Variants in DPYD observed in about 807,000 individuals in gnomAD.
The protein encoded by DPYD is dihydropyrimidine dehydrogenase [NADP(+)].
A neutral mutation model predicts 116.2 loss-of-function variants in DPYD; 109 were observed. That is an observed-to-expected ratio of 0.94 (90% CI 0.80 to 1.10). DPYD has a LOEUF of 1.10. Among genes scored for constraint, DPYD ranks in the 50% least tolerant of loss-of-function variants. DPYD has a pLI of 0.00. For synonymous variants in DPYD, 440 were observed against 432.0 expected (o/e 1.02, Z -0.23); for missense variants, 1,302 against 1,254.5 (o/e 1.04, Z -0.57).
intron 8 of DPYD, among the ~76,000 whole-genome samples, chr1:97,626,011 C>A (rs759966763): frequency 3.9e-5 from 6 of 151,962 alleles, no homozygotes; most frequent in Admixed American, 6.6e-5. Flanking sequence ...CGGGTCATTT[C>A]AAATATCAAG....
At chr1:97,338,036 T>C (rs1179631181) in intron 16 of DPYD, among the ~76,000 whole-genome samples, 6 of 152,192 alleles carry the variant, frequency 3.9e-5, no homozygotes, top group African/African-American at 1.4e-4. Context: ...GGTTCCTCCA[T>C]TCCTGTTTGC....
At chr1:97,832,896 T>C (rs984055904) in intron 2 of DPYD, among the ~76,000 whole-genome samples, 2 of 143,188 alleles carry the variant, frequency 1.4e-5, no homozygotes, top group African/African-American at 5.2e-5. Flanking sequence ...GGATTTTAAA[T>C]AAAATTCACT....
chr1:97,450,169 T>C lies in DPYD; in HGVS notation c.1795A>G (p.Met599Val). The C allele has an allele frequency of 6.2e-7, 1 of 1,613,906 alleles. No homozygotes were observed. The highest frequency in any genetic ancestry group is 8.5e-7 in the Non-Finnish European group (1 of 1,179,870). Reference protein sequence around the residue: ...RIIRGTTSGPMYGPGQSSFLN... With the variant: ...RIIRGTTSGPVYGPGQSSFLN... ...AAGGAGCTTTGTCCAGGGCCATACA[T>C]GGGGCCAGAGGTGGTTCCCCGGATG... The change falls in exon 14 of 23, where the codon ATG becomes GTG. Residue 599 changes from methionine (M) to valine (V), a missense_variant. Transcript: ENST00000370192.
chr1:97,427,870 C>G (rs1452165037), intron 14 of DPYD, among the ~76,000 whole-genome samples: 2 of 151,948 alleles, frequency 1.3e-5, no homozygotes, highest in Non-Finnish European at 2.9e-5. Context: ...TTACATATGA[C>G]TAAAATGGAG....
intron 20 of DPYD, among the ~76,000 whole-genome samples, chr1:97,137,592 A>T (rs1359955805): frequency 6.6e-6 from 1 of 152,162 alleles, no homozygotes; most frequent in Non-Finnish European, 1.5e-5. Context: ...TCGGCTCTGT[A>T]TCTCCATCAG....
intron 14 of DPYD, among the ~76,000 whole-genome samples, chr1:97,428,259 T>C (rs1217222750): frequency 6.6e-6 from 1 of 152,084 alleles, no homozygotes; most frequent in African/African-American, 2.4e-5. Context: ...AAGATCATGG[T>C]ACAGTATTTA....
chr1:97,278,437 T>C (rs569039600), intron 18 of DPYD, among the ~76,000 whole-genome samples: 2 of 152,292 alleles, frequency 1.3e-5, no homozygotes, highest in African/African-American at 2.4e-5. Context: ...GGGAAAGAGA[T>C]GTGCCATTGT....
At chr1:97,533,285 T>C (rs957809815) in intron 12 of DPYD, among the ~76,000 whole-genome samples, 1 of 152,140 alleles carries the variant, frequency 6.6e-6, no homozygotes, top group African/African-American at 2.4e-5. Flanking sequence ...TATCTGTTAA[T>C]ATAATAGCAT....
At chr1:97,564,939 A>G (rs746281156) in intron 11 of DPYD, among the ~76,000 whole-genome samples, 1 of 152,138 alleles carries the variant, frequency 6.6e-6, no homozygotes, top group South Asian at 2.1e-4. Context: ...TTTGTATAAC[A>G]GTCAGGGTGT....
intron 20 of DPYD, among the ~76,000 whole-genome samples, chr1:97,141,239 C>T (rs188061838): frequency 1.3e-5 from 2 of 152,248 alleles, no homozygotes; most frequent in African/African-American, 2.4e-5. Flanking sequence ...CCAAGCGAGG[C>T]ACGAGGTGCA....
intron 2 of DPYD, among the ~76,000 whole-genome samples, chr1:97,877,445 A>G (rs1671980515): frequency 6.6e-6 from 1 of 152,044 alleles, no homozygotes; most frequent in South Asian, 2.1e-4. Context: ...AATAGAATTA[A>G]GTTCAGTTAC....
chr1:97,689,626 G>A (rs190947481), intron 7 of DPYD, among the ~76,000 whole-genome samples: 1 of 151,916 alleles, frequency 6.6e-6, no homozygotes, highest in South Asian at 2.1e-4. Context: ...TCATTTCATT[G>A]CCAGGAAATT....
At chr1:97,445,693 T>C (rs748308144) in intron 14 of DPYD, among the ~76,000 whole-genome samples, 2 of 151,806 alleles carry the variant, frequency 1.3e-5, no homozygotes, top group Non-Finnish European at 2.9e-5. Context: ...ATTTTCTAAG[T>C]ATTACTCCTT....
chr1:97,305,751 G>T (rs904089867), intron 17 of DPYD, among the ~76,000 whole-genome samples: 1 of 151,924 alleles, frequency 6.6e-6, no homozygotes, highest in African/African-American at 2.4e-5. Context: ...GTTTAAGGAA[G>T]TCAGCTAGGC....
Position 97,549,613 on chromosome 1 carries a change from C to T in DPYD, c.1471G>A (p.Glu491Lys). 6.2e-7 allele frequency: 1 copy of T among 1,613,878 alleles called. No individual in the cohort carries two copies. Among genetic ancestry groups the T allele is most frequent in the African/African-American group, 1.3e-5 (1 of 75,030 alleles). ...GCTTGCTTTCCATCATTCACCGATTCCACTGTAGTGTTAGCCAAACCAACG... is the reference window on the plus strand; with the variant it reads ...GCTTGCTTTCCATCATTCACCGATTTCACTGTAGTGTTAGCCAAACCAACG... ...DVVGLANTTV[E>K]SVNDGKQASW... Residue 491 changes from glutamate to lysine, a missense_variant, in exon 12 of 23, where the codon GAA (glutamate) becomes AAA (lysine). Physicochemically the swap from Glu to Lys is moderately conservative, Grantham distance 56. Coordinates refer to ENST00000370192, the MANE Select transcript of DPYD (RefSeq NM_000110.4).
chr1:97,916,721 T>G (rs1175634988), intron 1 of DPYD, among the ~76,000 whole-genome samples: 1 of 152,158 alleles, frequency 6.6e-6, no homozygotes, highest in Admixed American at 6.5e-5. Context: ...TCATCTGAAT[T>G]CATATGCAAA....
Position 97,193,200 on chromosome 1 carries a change from A to T in DPYD, c.2491T>A (p.Cys831Ser). The T allele has an allele frequency of 6.2e-7, 1 of 1,613,964 alleles. No individual in the cohort carries two copies. Among genetic ancestry groups the T allele is most frequent in the Non-Finnish European group, 8.5e-7 (1 of 1,179,948 alleles). The change falls in exon 20 of 23, where the codon TGC (cysteine) becomes AGC (serine). Residue 831 changes from cysteine to serine, a missense_variant. Physicochemically the swap from Cys to Ser is moderately radical, Grantham distance 112. Transcript: ENST00000370192. ...TAAAGCAGGGCTTTGAGGCCAGTGCAGTAGTCTTCGATCACAGTGAAATCC... is the reference window on the plus strand; with the variant it reads ...TAAAGCAGGGCTTTGAGGCCAGTGCTGTAGTCTTCGATCACAGTGAAATCC... ...NQDFTVIEDY[C>S]TGLKALLYLK...
chr1:97,720,788 T>C (rs551145678), intron 5 of DPYD: 3 of 1,534,672 alleles, frequency 2.0e-6, no homozygotes, highest in African/African-American at 1.4e-5. Flanking sequence ...ATACCCTTCA[T>C]ATAAGCTGAT....
At chr1:97,343,237 G>T (rs1181340438) in intron 16 of DPYD, among the ~76,000 whole-genome samples, 2 of 152,024 alleles carry the variant, frequency 1.3e-5, no homozygotes, top group Non-Finnish European at 2.9e-5. Flanking sequence ...TGACATTAAA[G>T]GCCCCAAATT....
Sources: gnomAD v4.1 joint callset for allele counts (sites outside exome capture counted in the v4.1 genomes callset) on GRCh38, gnomAD v4.1.1 for gene constraint, MANE v1.5 for transcripts, NCBI Gene and HGNC (gene_info 2026-07-23, HGNC 2026-07-21) for gene names.